Variants in SLC35F1 observed in about 807,000 individuals in gnomAD.
The protein encoded by SLC35F1 is solute carrier family 35 member F1, also known as chromosome 6 open reading frame 169.
Under a neutral mutation model 48.7 loss-of-function variants are expected in SLC35F1, and 14 were observed. The ratio of observed to expected loss-of-function variants is 0.29; its 90% CI spans 0.19 to 0.45. The LOEUF (loss-of-function observed/expected upper bound fraction) is 0.45. Among genes scored for constraint, SLC35F1 ranks in the 20% least tolerant of loss-of-function variants. SLC35F1 has a pLI of 1.00. For missense variants in SLC35F1, 404 were observed against 500.0 expected (o/e 0.81, Z 1.83); for synonymous variants, 190 against 202.2 (o/e 0.94, Z 0.51).
At chr6:118,116,986 T>G (rs946931087) in intron 1 of SLC35F1, among the ~76,000 whole-genome samples, 1 of 152,200 alleles carries the variant, frequency 6.6e-6, no homozygotes, top group Non-Finnish European at 1.5e-5. Flanking sequence ...TGAGGTGATT[T>G]CACAAGGCAG....
chr6:118,261,567 C>A (rs573863059), intron 3 of SLC35F1, among the ~76,000 whole-genome samples: 54 of 152,232 alleles, frequency 3.5e-4, no homozygotes, highest in African/African-American at 1.3e-3. Flanking sequence ...GGGGCTGGGG[C>A]TTTGGGCTTT....
At chr6:118,225,109 A>ATTTCCC (rs1372888928) in intron 2 of SLC35F1, among the ~76,000 whole-genome samples, 2 of 152,206 alleles carry the variant, frequency 1.3e-5, no homozygotes, top group Non-Finnish European at 2.9e-5. Context: ...CCCAAAGCAA[A>ATTTCCC]TTATAGGCTC....
intron 2 of SLC35F1, 151 bp downstream of exon 2, chr6:118,154,771 C>A: frequency 1.5e-6 from 1 of 666,026 alleles, no homozygotes. Context: ...ATACAGTAAA[C>A]AAAATGAGTG....
At chr6:117,981,171 T>A (rs904389689) in intron 1 of SLC35F1, among the ~76,000 whole-genome samples, 3 of 152,152 alleles carry the variant, frequency 2.0e-5, no homozygotes, top group Non-Finnish European at 2.9e-5. Context: ...GTGTTTTGTA[T>A]TTTGGTCATG....
intron 7 of SLC35F1, among the ~76,000 whole-genome samples, chr6:118,300,483 T>C (rs552277222): frequency 1.8e-4 from 27 of 152,322 alleles, no homozygotes; most frequent in African/African-American, 6.0e-4. Flanking sequence ...GAACATTTGT[T>C]ACTTTTACCC....
rs186429353 is a variant in SLC35F1 at position 118,239,573 on chromosome 6, T to A, written c.477+3937T>A. ...CAGTGAGTTTTTTTTTAAGTTTTTT[T>A]AAGTATGTTTTGCCTGTGAACAGTG... On this transcript the variant is annotated intron_variant, in intron 3 of 7. Coordinates refer to ENST00000360388, the MANE Select transcript of SLC35F1 (RefSeq NM_001029858.4). 6.6e-4 allele frequency among the ~76,000 whole-genome samples: 100 copies of A among 152,180 alleles called. No homozygotes were observed. The South Asian group carries it at 8.3e-3, about 13-fold the overall frequency.
intron 1 of SLC35F1, among the ~76,000 whole-genome samples, chr6:118,001,967 A>C (rs1777104084): frequency 1.4e-5 from 2 of 147,772 alleles, no homozygotes; most frequent in Admixed American, 1.4e-4. Flanking sequence ...GCTGGAGAGG[A>C]TGTGGAGAAA....
chr6:118,068,729 C>T (rs779538120), intron 1 of SLC35F1, among the ~76,000 whole-genome samples: 7 of 152,048 alleles, frequency 4.6e-5, no homozygotes, highest in Non-Finnish European at 8.8e-5. Flanking sequence ...AGTTACTAAG[C>T]GCCTATGTTA....
intron 1 of SLC35F1, among the ~76,000 whole-genome samples, chr6:118,079,602 C>CT (rs1288635112): frequency 6.6e-6 from 1 of 152,180 alleles, no homozygotes. Flanking sequence ...CTTGTGACTG[C>CT]TTACTCCATA....
intron 1 of SLC35F1, among the ~76,000 whole-genome samples, chr6:118,031,905 C>G (rs4245493): frequency 0.33 from 50,739 of 151,928 alleles, 8,653 homozygotes; most frequent in East Asian, 0.47. Context: ...ACACTGGTGG[C>G]CATGTCTAAT....
intron 1 of SLC35F1, among the ~76,000 whole-genome samples, chr6:118,144,317 C>T (rs1773937892): frequency 6.6e-6 from 1 of 152,006 alleles, no homozygotes; most frequent in African/African-American, 2.4e-5. Flanking sequence ...AGCCATTATC[C>T]TAAGCAAACT....
In SLC35F1 at chr6:118,230,265, G is replaced by A. The variant is rs34450533; in HGVS notation, c.350-5244G>A. Among the ~76,000 whole-genome samples, 515 of 151,996 alleles carry A rather than the reference G, an allele frequency of 3.4e-3. 2 individuals are homozygous for A. The highest frequency in any genetic ancestry group is 6.2e-3 in the South Asian group (30 of 4,826). On this transcript the variant is annotated intron_variant, in intron 2 of 7. Coordinates refer to ENST00000360388, the MANE Select transcript of SLC35F1 (RefSeq NM_001029858.4). ...TGAGGCAGGAGCATCGCTTGAACCC[G>A]GGAGGCGGAGGTTGCAGTGAGCCGA...
At chr6:117,973,271 C>T (rs1051782683) in intron 1 of SLC35F1, among the ~76,000 whole-genome samples, 22 of 152,300 alleles carry the variant, frequency 1.4e-4, no homozygotes, top group South Asian at 6.2e-4. Flanking sequence ...GGTCCACCCA[C>T]ATGACCTCAT....
At position 117,907,508 on chromosome 6, in the gene SLC35F1, C is replaced by A. The variant is rs1205388956; in HGVS notation, c.-219C>A. 2.4e-5 allele frequency: 7 copies of A among 294,530 alleles called. No individual in the cohort carries two copies. Among genetic ancestry groups the A allele is most frequent in the Non-Finnish European group, 1.9e-5 (3 of 161,974 alleles). The allele number at this position is 294,530 out of a possible 1,614,324, so 18.2% of individuals were successfully genotyped here. On this transcript the variant is annotated 5_prime_UTR_variant, in exon 1 of 8. Transcript: ENST00000360388. ...CGGGCGGCGGCGGCGGCGGCACGGG[C>A]GCGAGGGTGCGCGCACTGGGACTGG...
At chr6:118,248,536 T>C (rs375658792) in intron 3 of SLC35F1, among the ~76,000 whole-genome samples, 42 of 152,186 alleles carry the variant, frequency 2.8e-4, no homozygotes, top group African/African-American at 6.5e-4. Context: ...GGGAGAGACT[T>C]GAAAACACCA....
At chr6:118,069,153 C>T (rs192007111) in intron 1 of SLC35F1, among the ~76,000 whole-genome samples, 38 of 152,220 alleles carry the variant, frequency 2.5e-4, no homozygotes, top group African/African-American at 8.7e-4. Flanking sequence ...AACATAATAA[C>T]GTGTTCATTT....
chr6:117,975,108 C>A (rs1380213741), intron 1 of SLC35F1, among the ~76,000 whole-genome samples: 1 of 152,208 alleles, frequency 6.6e-6, no homozygotes, highest in African/African-American at 2.4e-5. Context: ...GTTTTGCAAT[C>A]TCCATTTATC....
intron 2 of SLC35F1, among the ~76,000 whole-genome samples, chr6:118,226,485 T>TACACACACACACAC (rs1233953929): frequency 2.7e-5 from 4 of 150,744 alleles, no homozygotes; most frequent in African/African-American, 7.3e-5. Context: ...GATGAATGGA[T>TACACACACACACAC]ACACACACAC....
intron 2 of SLC35F1, among the ~76,000 whole-genome samples, chr6:118,221,620 G>A (rs547678993): frequency 6.6e-6 from 1 of 152,250 alleles, no homozygotes; most frequent in South Asian, 2.1e-4. Flanking sequence ...CTTTACAATG[G>A]AATTCTTCTT....
Sources: allele counts gnomAD v4.1 joint callset (sites outside exome capture counted in the v4.1 genomes callset), GRCh38; gene constraint gnomAD v4.1.1; transcripts MANE v1.5; gene names NCBI Gene and HGNC (gene_info 2026-07-23, HGNC 2026-07-21).